BICC1: variants seen among roughly 807,000 people sequenced by gnomAD.
BICC1 encodes the protein protein bicaudal C homolog 1.
Under a neutral mutation model 111.0 loss-of-function variants are expected in BICC1, and 43 were observed. The ratio of observed to expected loss-of-function variants is 0.39; its 90% confidence interval spans 0.30 to 0.50. The LOEUF (loss-of-function observed/expected upper bound fraction) is 0.50. Ranked by LOEUF, BICC1 falls within the 20% of genes least tolerant of loss-of-function variation. The probability of loss-of-function intolerance (pLI) is 0.88; values close to 1 mark genes in which losing one functional copy is unlikely to be tolerated. For missense variants in BICC1, 1,091 were observed against 1,203.2 expected, an observed-to-expected ratio of 0.91 and a Z score of 1.38; for synonymous variants, 467 against 434.4, an observed-to-expected ratio of 1.07 and a Z score of -0.93.
chr10:58,538,633 T>C (rs147513960), intron 1 of BICC1, among the ~76,000 whole-genome samples: 1 of 152,014 alleles, frequency 6.6e-6, no homozygotes, highest in East Asian at 1.9e-4. Context: ...CAAAAGCTTC[T>C]GCACAGCAAA....
intron 1 of BICC1, among the ~76,000 whole-genome samples, chr10:58,581,431 TTGACTTTTCACA>T (rs1487558087): frequency 6.6e-6 from 1 of 152,200 alleles, no homozygotes; most frequent in Non-Finnish European, 1.5e-5. Flanking sequence ...CCATAGGATT[TTGACTTTTCACA>T]TGCCTCTGTT....
rs1401180336 is a variant in BICC1, at chr10:58,727,232, T to C, written c.307+25089T>C. Among the ~76,000 whole-genome samples, 3 of 152,154 alleles carry C rather than the reference T, an allele frequency of 2.0e-5. No homozygotes were observed. In the East Asian group the frequency reaches 5.8e-4, roughly 29 times the overall value. On this transcript the variant is annotated intron_variant, in intron 3 of 20. Coordinates refer to ENST00000373886, the MANE Select transcript of BICC1 (RefSeq NM_001080512.3). ...AAATTCTTTATTTTATTCATTTAAT[T>C]CTCTTTGAGAAAACTTAGTGCATAT...
At chr10:58,648,415 G>A (rs959369518) in intron 2 of BICC1, 1 of 641,520 alleles carries the variant, frequency 1.6e-6, no homozygotes, top group African/African-American at 2.0e-5. Flanking sequence ...TGCCAGAGAG[G>A]CTTTTGAATC....
rs138889861 is a variant in BICC1, at chr10:58,642,666, TTTATTATTA to T, written c.237+21813_237+21821del. ...CATATGCTCCTGACAATATGAACCATTTATTATTATTATTATTATTATTATTATTATTAT... is the reference window on the plus strand; with the variant it reads ...CATATGCTCCTGACAATATGAACCATTTATTATTATTATTATTATTATTAT... On this transcript the variant is annotated intron_variant, in intron 2 of 20. Transcript: ENST00000373886. Among the ~76,000 whole-genome samples the T allele has an allele frequency of 2.0e-3, 303 of 148,280 alleles. 1 individual carries two copies. The highest frequency in any genetic ancestry group is 7.3e-3 in the African/African-American group (289 of 39,776).
chr10:58,644,748 A>G (rs567003590), intron 2 of BICC1, among the ~76,000 whole-genome samples: 1 of 152,360 alleles, frequency 6.6e-6, no homozygotes, highest in South Asian at 2.1e-4. Flanking sequence ...AAAGAAAAAA[A>G]TAACCTTTCA....
intron 1 of BICC1, among the ~76,000 whole-genome samples, chr10:58,603,333 T>G (rs1287025537): frequency 1.3e-5 from 2 of 152,194 alleles, no homozygotes; most frequent in Non-Finnish European, 2.9e-5. Flanking sequence ...TAGTGTTGAT[T>G]TCACCATGTG....
intron 2 of BICC1, among the ~76,000 whole-genome samples, chr10:58,667,189 A>G (rs990313966): frequency 6.6e-6 from 1 of 152,136 alleles, no homozygotes; most frequent in Admixed American, 6.6e-5. Flanking sequence ...CTCCAGAAGA[A>G]ACTACTTGCT....
chr10:58,769,404 G>GTGTATATATATATATATATATA (rs1050060686), intron 3 of BICC1, among the ~76,000 whole-genome samples: 8 of 109,758 alleles, frequency 7.3e-5, no homozygotes, highest in Non-Finnish European at 1.3e-4. Flanking sequence ...GTGTGTGTGT[G>GTGTATATATATATATATATATA]TATATATATA....
rs575007987 is a variant in BICC1 at position 58,788,271 on chromosome 10, C to G, written c.547-99C>G. ...TCTGGATAATACCTCTGTATTTGTC[C>G]CTGGATGACACTTTTAGTAGCAAGC... On this transcript the variant is annotated intron_variant, in intron 5 of 20. Transcript: ENST00000373886. 37 of 859,676 alleles carry G rather than the reference C, an allele frequency of 4.3e-5. No individual in the cohort carries two copies. The South Asian group carries it at 5.9e-4, about 14-fold the overall frequency. 53.3% of individuals were successfully genotyped at this position (859,676 alleles called of 1,614,324 possible).
intron 8 of BICC1, among the ~76,000 whole-genome samples, chr10:58,791,565 A>G (rs189666393): frequency 7.7e-4 from 117 of 152,172 alleles, no homozygotes; most frequent in South Asian, 3.5e-3. Context: ...GTGAAACCCC[A>G]TCTCTACTAA....
At chr10:58,630,927 T>C (rs1252210852) in intron 2 of BICC1, among the ~76,000 whole-genome samples, 1 of 152,204 alleles carries the variant, frequency 6.6e-6, no homozygotes, top group Non-Finnish European at 1.5e-5. Flanking sequence ...TATTAGACCA[T>C]ACTATACCAG....
intron 2 of BICC1, among the ~76,000 whole-genome samples, chr10:58,657,742 G>T (rs535544463): frequency 3.3e-5 from 5 of 151,994 alleles, no homozygotes; most frequent in Non-Finnish European, 5.9e-5. Context: ...TTAACTTTTT[G>T]AATTTTTGTT....
At chr10:58,799,778 T>C (rs970171796) in intron 12 of BICC1, among the ~76,000 whole-genome samples, 1 of 152,140 alleles carries the variant, frequency 6.6e-6, no homozygotes, top group Non-Finnish European at 1.5e-5. Context: ...TGAAGTCAGG[T>C]AGTATGATGC....
chr10:58,669,358 G>A (rs2132317229), intron 2 of BICC1, among the ~76,000 whole-genome samples: 1 of 152,196 alleles, frequency 6.6e-6, no homozygotes, highest in Admixed American at 6.6e-5. Flanking sequence ...TATTGGTTGA[G>A]AATGATGAGA....
chr10:58,695,339 A>G (rs970505294), intron 2 of BICC1, among the ~76,000 whole-genome samples: 1 of 152,194 alleles, frequency 6.6e-6, no homozygotes. Flanking sequence ...CTACCAGTCC[A>G]TTATTAGTCC....
intron 3 of BICC1, among the ~76,000 whole-genome samples, chr10:58,738,799 T>C (rs1367198373): frequency 6.6e-6 from 1 of 151,992 alleles, no homozygotes; most frequent in East Asian, 1.9e-4. Context: ...GAAGAGGTCC[T>C]TCACATCTCT....
At chr10:58,643,366 G>T (rs1214441086) in intron 2 of BICC1, among the ~76,000 whole-genome samples, 1 of 152,158 alleles carries the variant, frequency 6.6e-6, no homozygotes, top group East Asian at 1.9e-4. Context: ...CCTTTGCATT[G>T]AATTTTGTCA....
intron 9 of BICC1, among the ~76,000 whole-genome samples, chr10:58,794,263 CCTG>C (rs1407711385): frequency 6.6e-6 from 1 of 151,368 alleles, no homozygotes; most frequent in African/African-American, 2.4e-5. Flanking sequence ...TATGCCATCT[CCTG>C]CGCAAGCTGG....
chr10:58,714,865 A>G (rs1840687762), intron 3 of BICC1, among the ~76,000 whole-genome samples: 1 of 149,938 alleles, frequency 6.7e-6, no homozygotes, highest in African/African-American at 2.5e-5. Context: ...GGCATTTCTC[A>G]TTAGCTAAAA....
Sources: allele counts gnomAD v4.1 joint callset (sites outside exome capture counted in the v4.1 genomes callset), GRCh38; gene constraint gnomAD v4.1.1; transcripts MANE v1.5; gene names NCBI Gene and HGNC (gene_info 2026-07-23, HGNC 2026-07-21).